Variants in PXDNL observed in about 807,000 individuals in gnomAD.
PXDNL encodes the protein probable oxidoreductase PXDNL.
PXDNL carries 145 observed loss-of-function variants against 150.8 expected under a neutral mutation model. That is an observed-to-expected ratio of 0.96 (90% CI 0.84 to 1.10). PXDNL has a LOEUF of 1.10. Among genes scored for constraint, PXDNL ranks in the 50% least tolerant of loss-of-function variants. The pLI, the probability that PXDNL is intolerant of heterozygous loss-of-function variation, is 0.00. For synonymous variants in PXDNL, 757 were observed against 725.7 expected, an observed-to-expected ratio of 1.04 and a Z score of -0.69; for missense variants, 2,087 against 1,873.9, an observed-to-expected ratio of 1.11 and a Z score of -2.10.
chr8:51,528,983 T>C (rs1229758737), intron 4 of PXDNL, among the ~76,000 whole-genome samples: 2 of 152,198 alleles, frequency 1.3e-5, no homozygotes, highest in Non-Finnish European at 2.9e-5. Context: ...AACTAATTTG[T>C]ATTGTTTAAG....
chr8:51,455,312 G>A lies in PXDNL; in HGVS notation c.983-1527C>T, dbSNP rs995153190. On this transcript the variant is annotated intron_variant, in intron 9 of 22. Coordinates refer to ENST00000356297, the MANE Select transcript of PXDNL (RefSeq NM_144651.5). ...GTGAATCAGAGGTTACTGGAGGAGA[G>A]TAATGATACCAATAGAGATAGCAAA... 2.6e-5 allele frequency among the ~76,000 whole-genome samples: 4 copies of A among 152,000 alleles called. 1 individual carries two copies. Among genetic ancestry groups the A allele is most frequent in the South Asian group, 4.1e-4 (2 of 4,822 alleles).
intron 17 of PXDNL, among the ~76,000 whole-genome samples, chr8:51,387,860 TACTA>T (rs1405258911): frequency 2.0e-5 from 3 of 151,626 alleles, no homozygotes; most frequent in Non-Finnish European, 2.9e-5. Context: ...CCTATATTGA[TACTA>T]ACTCAGTTTT....
At position 51,328,901 on chromosome 8, in the gene PXDNL, G is replaced by A. The variant is rs143565199; in HGVS notation, c.4147-8004C>T. 1.3e-3 allele frequency among the ~76,000 whole-genome samples: 202 copies of A among 152,208 alleles called. 1 individual carries two copies. Among genetic ancestry groups the A allele is most frequent in the African/African-American group, 4.6e-3 (189 of 41,532 alleles). ...TCCATAAAAAAGGCCTCTATACCAA[G>A]GGAAAGGAACTTGCCAGGGTACAGT... On this transcript the variant is annotated intron_variant, in intron 21 of 22. Transcript: ENST00000356297.
At chr8:51,628,252 T>C (rs73572366) in intron 2 of PXDNL, among the ~76,000 whole-genome samples, 6,737 of 152,028 alleles carry the variant, frequency 0.044, 501 homozygotes, top group African/African-American at 0.15. Context: ...GAGACAGAGT[T>C]GTAAATGGTC....
At chr8:51,629,290 C>G (rs566971852) in intron 2 of PXDNL, among the ~76,000 whole-genome samples, 46 of 152,218 alleles carry the variant, frequency 3.0e-4, no homozygotes, top group African/African-American at 1.1e-3. Flanking sequence ...ACTCACTAGA[C>G]AGTTTCAACA....
At chr8:51,805,748 C>T (rs2037668950) in intron 1 of PXDNL, among the ~76,000 whole-genome samples, 1 of 152,042 alleles carries the variant, frequency 6.6e-6, no homozygotes, top group East Asian at 1.9e-4. Flanking sequence ...TTAAAACAGC[C>T]CTAAGCTTAA....
At chr8:51,612,286 A>T (rs528720115) in intron 2 of PXDNL, among the ~76,000 whole-genome samples, 1 of 152,122 alleles carries the variant, frequency 6.6e-6, no homozygotes. Flanking sequence ...AGCTGGCTTC[A>T]TGAAATGGGC....
chr8:51,659,566 C>T (rs946569598), intron 1 of PXDNL, among the ~76,000 whole-genome samples: 1 of 152,136 alleles, frequency 6.6e-6, no homozygotes, highest in African/African-American at 2.4e-5. Flanking sequence ...TAGCTCCACG[C>T]GAACTATCAT....
At position 51,651,411 on chromosome 8, in the gene PXDNL, G is replaced by A. The variant is rs187537227; in HGVS notation, c.236+3278C>T. 1.4e-3 allele frequency among the ~76,000 whole-genome samples: 218 copies of A among 152,242 alleles called. 1 individual carries two copies. The highest frequency in any genetic ancestry group is 2.5e-3 in the Non-Finnish European group (167 of 68,014). ...AGCTTTGAAATTTTCAAAATAAAACGTCAGAGGAAATGTTAGTAAACTTAA... is the reference window on the plus strand; with the variant it reads ...AGCTTTGAAATTTTCAAAATAAAACATCAGAGGAAATGTTAGTAAACTTAA... On this transcript the variant is annotated intron_variant, in intron 2 of 22. Coordinates refer to ENST00000356297, the MANE Select transcript of PXDNL (RefSeq NM_144651.5).
intron 1 of PXDNL, among the ~76,000 whole-genome samples, chr8:51,674,957 G>A (rs1032326163): frequency 4.6e-5 from 7 of 152,054 alleles, no homozygotes; most frequent in South Asian, 2.1e-4. Context: ...TTCTTAATTC[G>A]ATGACCTGGA....
At chr8:51,321,046 TC>T in intron 21 of PXDNL, 149 bp from the exon 22 acceptor site, 1 of 622,540 alleles carries the variant, frequency 1.6e-6, no homozygotes, top group Non-Finnish European at 2.8e-6. Flanking sequence ...TTTTTCATTT[TC>T]CCCCAGGACT....
chr8:51,439,718 G>A (rs1318980974), intron 12 of PXDNL, among the ~76,000 whole-genome samples: 1 of 151,660 alleles, frequency 6.6e-6, no homozygotes, highest in East Asian at 1.9e-4. Flanking sequence ...CCAGCTACTT[G>A]GGAGGCTGAG....
chr8:51,724,057 C>T (rs1426321023), intron 1 of PXDNL, among the ~76,000 whole-genome samples: 1 of 138,642 alleles, frequency 7.2e-6, no homozygotes, highest in African/African-American at 2.7e-5. Context: ...ACAGGCCTCT[C>T]TTGGCTATCG....
At chr8:51,448,539 T>C (rs529796543) in intron 11 of PXDNL, among the ~76,000 whole-genome samples, 1 of 151,866 alleles carries the variant, frequency 6.6e-6, no homozygotes, top group East Asian at 1.9e-4. Context: ...CCCGTCTCTA[T>C]TAAAAATACA....
chr8:51,808,523 T>C (rs948597107), intron 1 of PXDNL, among the ~76,000 whole-genome samples: 9 of 152,208 alleles, frequency 5.9e-5, no homozygotes, highest in African/African-American at 2.4e-5. Context: ...GATGAGAAGA[T>C]AGGATTTGAA....
chr8:51,636,360 A>T (rs1034499528), intron 2 of PXDNL, among the ~76,000 whole-genome samples: 1 of 152,176 alleles, frequency 6.6e-6, no homozygotes, highest in African/African-American at 2.4e-5. Context: ...CAGTTAGGCA[A>T]TAAAAAGAAA....
At position 51,540,190 on chromosome 8, in the gene PXDNL, G is replaced by A. The variant is rs185688627; in HGVS notation, c.380+16650C>T. On this transcript the variant is annotated intron_variant, in intron 4 of 22. Transcript: ENST00000356297. ...TGGGGTTACTGGTGTGAGCCACTGA[G>A]TCTGGACCAGTTATCTCTCTGGTTT... Among the ~76,000 whole-genome samples, 356 of 152,186 alleles carry A rather than the reference G, an allele frequency of 2.3e-3. 8 individuals carry two copies. The highest frequency in any genetic ancestry group is 0.022 in the Admixed American group (343 of 15,284).
intron 4 of PXDNL, among the ~76,000 whole-genome samples, chr8:51,538,783 T>A (rs550006288): frequency 7.4e-4 from 112 of 152,208 alleles, no homozygotes; most frequent in South Asian, 4.6e-3. Context: ...ATAAATAAAT[T>A]AATTAATTAA....
chr8:51,458,095 TA>T (rs1053731549), intron 8 of PXDNL, among the ~76,000 whole-genome samples: 2 of 152,046 alleles, frequency 1.3e-5, no homozygotes, highest in Non-Finnish European at 2.9e-5. Flanking sequence ...TGTTAAAGTG[TA>T]AAAAAAATAT....
Sources: gnomAD v4.1 joint callset for allele counts (sites outside exome capture counted in the v4.1 genomes callset) on GRCh38, gnomAD v4.1.1 for gene constraint, MANE v1.5 for transcripts, NCBI Gene and HGNC (gene_info 2026-07-23, HGNC 2026-07-21) for gene names.